The following CMYA5 variants were observed in gnomAD, a reference collection of about 807,000 sequenced individuals.
CMYA5 encodes the protein cardiomyopathy associated 5, also known as cardiomyopathy-associated protein 5.
In CMYA5, 246 loss-of-function variants were observed where a neutral mutation model predicts 318.9. The ratio of observed to expected loss-of-function variants is 0.77; its 90% CI spans 0.70 to 0.86. The LOEUF is 0.86. Among genes scored for constraint, CMYA5 ranks in the 40% least tolerant of loss-of-function variants. The pLI, the probability that CMYA5 is intolerant of heterozygous loss-of-function variation, is 0.00. For synonymous variants in CMYA5, 1,641 were observed against 1,729.5 expected (o/e 0.95, Z 1.27); for missense variants, 4,589 against 4,678.2 (o/e 0.98, Z 0.56).
chr5:79,785,051 G>A (rs1018904354), intron 9 of CMYA5, among the ~76,000 whole-genome samples: 1 of 148,688 alleles, frequency 6.7e-6, no homozygotes, highest in Non-Finnish European at 1.5e-5. Context: ...CTATCTAGCT[G>A]TCCCATCAGG....
chr5:79,733,673 T>C lies in CMYA5; in HGVS notation c.4908T>C (p.Asn1636=), dbSNP rs1827976629. ...DKPHQPLELP[N]AGSEFSSDLG... is the part of the protein sequence containing the mutation. ...CACACCAACCGTTGGAATTACCAAA[T>C]GCTGGGTCAGAATTTTCTAGTGATT... Residue 1636 remains asparagine (N), a synonymous_variant, in exon 2 of 13, where the codon AAT becomes AAC. Coordinates refer to ENST00000446378, the MANE Select transcript of CMYA5 (RefSeq NM_153610.5). The C allele has an allele frequency of 1.9e-6, 3 of 1,613,904 alleles. No homozygotes were observed. Among genetic ancestry groups the C allele is most frequent in the Non-Finnish European group, 2.5e-6 (3 of 1,179,842 alleles).
chr5:79,731,292 C>T lies in CMYA5; in HGVS notation c.2527C>T (p.Pro843Ser). 1.9e-6 allele frequency: 3 copies of T among 1,613,838 alleles called. No individual in the cohort carries two copies. The highest frequency in any genetic ancestry group is 2.5e-6 in the Non-Finnish European group (3 of 1,179,862). ...LSVDGKEVIG[P>S]SSPDLVVASE... ...AGTAGACGGCAAGGAGGTCATTGGACCATCTTCCCCAGATTTGGTTGTTGC... is the reference window on the plus strand; with the variant it reads ...AGTAGACGGCAAGGAGGTCATTGGATCATCTTCCCCAGATTTGGTTGTTGC... Residue 843 changes from proline to serine, a missense_variant, in exon 2 of 13, where the codon CCA (proline) becomes TCA (serine). Pro to Ser is a moderately conservative substitution (Grantham distance 74, BLOSUM62 -1). This residue lies in a region of CMYA5 where 2,132 missense variants were observed against 2,131.3 expected (regional missense o/e 1.00). Transcript: ENST00000446378.
chr5:79,690,990 C>T (rs1826960978), intron 1 of CMYA5, among the ~76,000 whole-genome samples: 1 of 152,208 alleles, frequency 6.6e-6, no homozygotes, highest in Admixed American at 6.5e-5. Flanking sequence ...ATGTATGTCA[C>T]CTGTTTATCA....
At chr5:79,719,589 G>A (rs73773428) in intron 1 of CMYA5, among the ~76,000 whole-genome samples, 2,579 of 152,314 alleles carry the variant, frequency 0.017, 64 homozygotes, top group African/African-American at 0.058. Flanking sequence ...AAGATCACCA[G>A]CAAATGTATT....
chr5:79,712,036 T>A (rs1296429433), intron 1 of CMYA5, among the ~76,000 whole-genome samples: 1 of 152,114 alleles, frequency 6.6e-6, no homozygotes, highest in Non-Finnish European at 1.5e-5. Context: ...GACTCTCTCT[T>A]AGGTTTATCC....
At chr5:79,694,788 G>C (rs1489954596) in intron 1 of CMYA5, among the ~76,000 whole-genome samples, 2 of 152,158 alleles carry the variant, frequency 1.3e-5, no homozygotes, top group African/African-American at 4.8e-5. Flanking sequence ...TGCTTACCTA[G>C]GTGTTTTGAC....
chr5:79,740,971 T>A (rs1253019597), intron 2 of CMYA5, among the ~76,000 whole-genome samples: 1 of 152,116 alleles, frequency 6.6e-6, no homozygotes, highest in African/African-American at 2.4e-5. Context: ...CAGGCTCAAG[T>A]GATCCCTCTA....
At position 79,744,046 on chromosome 5, in the gene CMYA5, C is replaced by T. The variant is rs1029300456; in HGVS notation, c.10734+124C>T. On this transcript the variant is annotated intron_variant, in intron 3 of 12. Transcript: ENST00000446378. ...CATGTGTTGTTTGCCATTGTTGGTTCGGTTCCATTCAAAGCGAGAATGCTT... is the reference window on the plus strand; with the variant it reads ...CATGTGTTGTTTGCCATTGTTGGTTTGGTTCCATTCAAAGCGAGAATGCTT... The T allele has an allele frequency of 4.9e-5, 26 of 526,466 alleles. 1 individual carries two copies. The highest frequency in any genetic ancestry group is 3.1e-4 in the East Asian group (10 of 31,752). 32.6% of individuals were successfully genotyped at this position (526,466 alleles called of 1,614,324 possible).
In CMYA5 at chr5:79,736,063, T is replaced by A; in HGVS notation, c.7298T>A (p.Met2433Lys). ...AGTGAAGACAGACTCAAGAAAGAAA[T>A]GCAAAATCCTACTTCCTTGAAAATT... ...DFSEDRLKKE[M>K]QNPTSLKISE... The change falls in exon 2 of 13, where the codon ATG (methionine) becomes AAG (lysine). Residue 2433 changes from methionine to lysine, a missense_variant. Coordinates refer to ENST00000446378, the MANE Select transcript of CMYA5 (RefSeq NM_153610.5). 6.2e-7 allele frequency: 1 copy of A among 1,611,978 alleles called. No individual in the cohort carries two copies. The highest frequency in any genetic ancestry group is 1.1e-5 in the South Asian group (1 of 90,444).
intron 9 of CMYA5, among the ~76,000 whole-genome samples, chr5:79,766,001 C>T (rs1490675165): frequency 6.6e-6 from 1 of 152,090 alleles, no homozygotes; most frequent in Non-Finnish European, 1.5e-5. Context: ...GCCTGATTGC[C>T]CTGGCCAGAA....
chr5:79,744,029 G>A (rs1462318325), intron 3 of CMYA5, 107 bp downstream of exon 3: 2 of 555,906 alleles, frequency 3.6e-6, no homozygotes, highest in Admixed American at 3.7e-5. Context: ...CGCATGTGTT[G>A]TTTGCCATTG....
At chr5:79,706,092 C>A (rs1827265257) in intron 1 of CMYA5, among the ~76,000 whole-genome samples, 1 of 152,148 alleles carries the variant, frequency 6.6e-6, no homozygotes, top group East Asian at 1.9e-4. Flanking sequence ...TAGACACACG[C>A]AAGATAATGA....
At chr5:79,742,631 A>G (rs1384635937) in intron 2 of CMYA5, among the ~76,000 whole-genome samples, 2 of 152,128 alleles carry the variant, frequency 1.3e-5, no homozygotes, top group Non-Finnish European at 2.9e-5. Flanking sequence ...TCTCCTCCCC[A>G]GTCCATCCCC....
Position 79,763,211 on chromosome 5 carries a change from T to G in CMYA5, c.11555+2T>G. 2 of 1,595,656 alleles carry G rather than the reference T, an allele frequency of 1.3e-6. No individual in the cohort carries two copies. On this transcript the variant is annotated splice_donor_variant, in intron 9 of 12. Coordinates refer to ENST00000446378, the MANE Select transcript of CMYA5 (RefSeq NM_153610.5). LOFTEE classifies it high-confidence loss of function. ...CTCTCCTGAGGGAGAGGGCCTCAGG[T>G]GAGGGGCCCTCTCCATGGGAGAGAC... is the stretch of plus-strand genomic sequence containing the variant.
At chr5:79,717,185 G>C (rs78453819) in intron 1 of CMYA5, among the ~76,000 whole-genome samples, 2,798 of 152,224 alleles carry the variant, frequency 0.018, 92 homozygotes, top group African/African-American at 0.064. Context: ...AGTTATACTT[G>C]TTATTGCTGT....
chr5:79,799,392 A>G lies in CMYA5; in HGVS notation c.11986A>G (p.Ile3996Val). The G allele has an allele frequency of 6.2e-7, 1 of 1,611,270 alleles. No individual in the cohort carries two copies. Among genetic ancestry groups the G allele is most frequent in the East Asian group, 2.2e-5 (1 of 44,806 alleles). ...CAGATACACATTTTTCTACAGTGGT[A>G]TTGTGAGTGATGTTCATGTGACTGA... ...PQRYTFFYSG[I>V]VSDVHVTERP... Residue 3996 changes from isoleucine to valine, a missense_variant, in exon 13 of 13, where the codon ATT becomes GTT. By Grantham distance (29) the Ile-to-Val change is conservative (BLOSUM62 3). Transcript: ENST00000446378.
Position 79,730,007 on chromosome 5 carries a change from C to G in CMYA5, c.1242C>G (p.Val414=). 2 of 1,614,038 alleles carry G rather than the reference C, an allele frequency of 1.2e-6. No homozygotes were observed. Among genetic ancestry groups the G allele is most frequent in the Non-Finnish European group, 1.7e-6 (2 of 1,179,900 alleles). The change falls in exon 2 of 13, where the codon GTC becomes GTG. Residue 414 remains valine, a synonymous_variant. Transcript: ENST00000446378. ...CAGCTTCAGAGAATGACTCTTCAGT[C>G]TCACCATCATTTGCTAATGAGGTAA... is the stretch of plus-strand genomic sequence containing the variant. ...GTAASENDSS[V]SPSFANEVKK...
At chr5:79,715,478 A>T (rs1049359321) in intron 1 of CMYA5, among the ~76,000 whole-genome samples, 1 of 151,918 alleles carries the variant, frequency 6.6e-6, no homozygotes, top group Non-Finnish European at 1.5e-5. Flanking sequence ...TAGTAGAGAC[A>T]GGGTTTCACT....
intron 12 of CMYA5, among the ~76,000 whole-genome samples, chr5:79,796,316 T>C (rs1040701604): frequency 6.8e-6 from 1 of 147,750 alleles, no homozygotes; most frequent in Non-Finnish European, 1.5e-5. Flanking sequence ...AAATTTTGTT[T>C]AACTTTAATT....
Sources: gnomAD v4.1 joint callset for allele counts (sites outside exome capture counted in the v4.1 genomes callset) on GRCh38, gnomAD v4.1.1 for gene constraint, gnomAD v4.1.1 regional missense constraint, MANE v1.5 for transcripts, NCBI Gene and HGNC (gene_info 2026-07-23, HGNC 2026-07-21) for gene names.